The following CAPN15 variants were observed in gnomAD, a reference collection of about 807,000 sequenced individuals.
CAPN15 encodes the protein calpain-15.
CAPN15 carries 53 observed loss-of-function variants against 97.9 expected under a neutral mutation model. The observed-to-expected ratio is 0.54, with a 90% CI of 0.43 to 0.68. CAPN15 has a LOEUF of 0.68. Ranked by LOEUF, CAPN15 falls within the 30% of genes least tolerant of loss-of-function variation. The probability of loss-of-function intolerance (pLI) is 0.00; values close to 1 mark genes in which losing one functional copy is unlikely to be tolerated. For synonymous variants in CAPN15, 922 were observed against 722.5 expected, an observed-to-expected ratio of 1.28 and a Z score of -4.43; for missense variants, 1,592 against 1,589.8, an observed-to-expected ratio of 1.00 and a Z score of -0.02.
At position 548,174 on chromosome 16, in the gene CAPN15, C is replaced by T. The variant is rs547515287; in HGVS notation, c.1336C>T (p.Arg446Trp). Reference protein sequence around the residue: ...HTPQLLVAQRRGAAPLRRRES... With the variant: ...HTPQLLVAQRWGAAPLRRRES... ...GCCTCAGCTCCTGGTGGCCCAGCGG[C>T]GGGGGGCCGCGCCCCTGAGGCGCAG... The change falls in exon 4 of 14, where the codon CGG (arginine) becomes TGG (tryptophan). Residue 446 changes from arginine to tryptophan, a missense_variant. Physicochemically the swap from Arg to Trp is moderately radical, Grantham distance 101 (BLOSUM62 -3). Coordinates refer to ENST00000219611, the MANE Select transcript of CAPN15 (RefSeq NM_005632.3). 95 of 1,529,102 alleles carry T rather than the reference C, an allele frequency of 6.2e-5. No homozygotes were observed. The African/African-American group carries it at 6.5e-4, about 10-fold the overall frequency. The allele number at this position is 1,529,102 out of a possible 1,614,324, so 94.7% of individuals were successfully genotyped here.
chr16:542,695 C>T (rs1366252561), intron 3 of CAPN15, among the ~76,000 whole-genome samples: 1 of 152,142 alleles, frequency 6.6e-6, no homozygotes, highest in East Asian at 1.9e-4. Context: ...TCAAGAGAAC[C>T]TCCCATCTCA....
At chr16:531,306 T>G (rs2033233971) in intron 1 of CAPN15, among the ~76,000 whole-genome samples, 1 of 152,210 alleles carries the variant, frequency 6.6e-6, no homozygotes, top group African/African-American at 2.4e-5. Context: ...TCAAGTGATC[T>G]TCCTGCCTCA....
chr16:528,051 C>A, intron 1 of CAPN15, 22 bp downstream of exon 1: 1 of 143,928 alleles, frequency 6.9e-6, no homozygotes, highest in South Asian at 2.1e-4. Flanking sequence ...CGGCCGGGCC[C>A]GGCCGGGCGC....
In CAPN15 at chr16:551,682, C is replaced by T. The variant is rs201797885; in HGVS notation, c.2345+18C>T. The T allele has an allele frequency of 9.4e-4, 1,480 of 1,582,202 alleles. No individual in the cohort carries two copies. Among genetic ancestry groups the T allele is most frequent in the African/African-American group, 1.8e-3 (133 of 74,666 alleles). On this transcript the variant is annotated intron_variant, in intron 9 of 13. Transcript: ENST00000219611. ...TTTGTCAGGTATCGGCACCGTGGGG[C>T]GGTGTGCACGCCGCCCCCGCCCTCC...
chr16:549,231 C>CGGGGGG, intron 5 of CAPN15, 30 bp downstream of exon 5: 13 of 62,828 alleles, frequency 2.1e-4, no homozygotes, highest in Admixed American at 5.3e-4. Context: ...CGGGGTGGGG[C>CGGGGGG]GGGTGGGCGG....
Position 551,538 on chromosome 16 carries a change from G to A in CAPN15, c.2219G>A (p.Gly740Asp). The A allele has an allele frequency of 6.2e-7, 1 of 1,611,208 alleles. No homozygotes were observed. Residue 740 changes from glycine to aspartate, a missense_variant, in exon 9 of 14, where the codon GGC becomes GAC. Physicochemically the swap from Gly to Asp is moderately conservative, Grantham distance 94. This residue lies in a region of CAPN15 where 644 missense variants were observed against 699.6 expected (regional missense o/e 0.92). Coordinates refer to ENST00000219611, the MANE Select transcript of CAPN15 (RefSeq NM_005632.3). ...CTTCTGCGGCTCCGAAACCCGTGGG[G>A]CCGTTTCTCCTGGAACGGCAGCTGG... ...TRLLRLRNPW[G>D]RFSWNGSWSD... is the part of the protein sequence containing the mutation.
intron 4 of CAPN15, 125 bp from the exon 5 acceptor site, chr16:548,845 GGCGCCAGGTCTGTGGCTGTCCAC>G: frequency 1.3e-6 from 1 of 744,070 alleles, no homozygotes; most frequent in Non-Finnish European, 2.3e-6. Context: ...ACACAGGGCC[GGCGCCAGGTCTGTGGCTGTCCAC>G]GCTCCACCCG....
rs565223049 is a variant in CAPN15, at chr16:554,019, G to T, written c.*503G>T. The stretch of plus-strand genomic sequence containing the variant: ...GGTCCCTGGAGCCCTGGTGTGGAGC[G>T]GCGAGTCCCGGGGCGGTGCCTGTCT... On this transcript the variant is annotated 3_prime_UTR_variant, in exon 14 of 14. Coordinates refer to ENST00000219611, the MANE Select transcript of CAPN15 (RefSeq NM_005632.3). 2 of 175,424 alleles carry T rather than the reference G, an allele frequency of 1.1e-5. No individual in the cohort carries two copies. Among genetic ancestry groups the T allele is most frequent in the African/African-American group, 2.4e-5 (1 of 41,942 alleles). 10.9% of individuals were successfully genotyped at this position (175,424 alleles called of 1,614,324 possible). A position where few individuals can be genotyped will look rare whatever the true frequency, so the allele number is the denominator to read the frequency against.
At chr16:551,109 CGG>C (rs2035027495) in intron 7 of CAPN15, among the ~76,000 whole-genome samples, 191 bp from the exon 8 acceptor site, 8 of 127,382 alleles carry the variant, frequency 6.3e-5, no homozygotes, top group African/African-American at 1.7e-4. Flanking sequence ...TGAGGGTCCC[CGG>C]TCGGTGAGGG....
rs761307877 is a variant in CAPN15 at position 552,235 on chromosome 16, G to A, written c.2507+23G>A. ...CAGGTGGGTGCTGCGGGGCCCCATC[G>A]GGCTGGGCTGGGCTAGGCTGGCGGC... On this transcript the variant is annotated intron_variant, in intron 10 of 13. Transcript: ENST00000219611. This position sits in a 1 kb window ranked among gnomAD's most constrained non-coding sequence, Gnocchi z 6.4. 3.2e-5 allele frequency: 49 copies of A among 1,531,302 alleles called. 1 individual carries two copies. The highest frequency in any genetic ancestry group is 1.8e-4 in the Admixed American group (9 of 50,492). The allele number at this position is 1,531,302 out of a possible 1,614,324, so 94.9% of individuals were successfully genotyped here.
At chr16:546,695 C>G in intron 3 of CAPN15, 122 bp from the exon 4 acceptor site, 1 of 1,322,226 alleles carries the variant, frequency 7.6e-7, no homozygotes, top group Non-Finnish European at 1.0e-6. Flanking sequence ...ATGCTCAGCC[C>G]TAGGCCCTCG....
At position 553,336 on chromosome 16, in the gene CAPN15, C is replaced by T; in HGVS notation, c.3084-3C>T. Reference sequence around the variant, plus strand: ...ACAGGTCCTCACCGGTCCCCTCCCCCAGGCAGGTCCTGGTGATCTTGTCCC... The same window carrying T: ...ACAGGTCCTCACCGGTCCCCTCCCCTAGGCAGGTCCTGGTGATCTTGTCCC... On this transcript the variant is annotated splice_region_variant and splice_polypyrimidine_tract_variant and intron_variant, in intron 13 of 13. Coordinates refer to ENST00000219611, the MANE Select transcript of CAPN15 (RefSeq NM_005632.3). 1.9e-6 allele frequency: 3 copies of T among 1,600,262 alleles called. No homozygotes were observed. The highest frequency in any genetic ancestry group is 2.6e-6 in the Non-Finnish European group (3 of 1,172,244).
At chr16:541,892 G>A (rs2034145695) in intron 3 of CAPN15, among the ~76,000 whole-genome samples, 1 of 127,548 alleles carries the variant, frequency 7.8e-6, no homozygotes, top group African/African-American at 3.0e-5. Flanking sequence ...GAAGGTGCGT[G>A]GATGTGGGGC....
intron 3 of CAPN15, among the ~76,000 whole-genome samples, chr16:546,492 G>A (rs190694975): frequency 1.3e-5 from 2 of 152,308 alleles, no homozygotes; most frequent in Admixed American, 1.3e-4. Flanking sequence ...GGGACCCCCT[G>A]CTATCTGCCG....
intron 5 of CAPN15, 30 bp downstream of exon 5, chr16:549,231 C>CGGGGG: frequency 8.0e-5 from 5 of 62,830 alleles, no homozygotes; most frequent in South Asian, 1.9e-4. Context: ...CGGGGTGGGG[C>CGGGGG]GGGTGGGCGG....
chr16:532,208 C>G (rs2033313141), intron 1 of CAPN15, among the ~76,000 whole-genome samples: 1 of 148,706 alleles, frequency 6.7e-6, no homozygotes, highest in Non-Finnish European at 1.5e-5. Context: ...CCACTGCACT[C>G]CAGCCTAGGC....
In CAPN15 at chr16:552,326, C is replaced by G. The variant is rs1259368726; in HGVS notation, c.2533C>G (p.Leu845Val). The change falls in exon 11 of 14, where the codon CTG (leucine) becomes GTG (valine). Residue 845 changes from leucine (L) to valine (V), a missense_variant. Coordinates refer to ENST00000219611, the MANE Select transcript of CAPN15 (RefSeq NM_005632.3). The surrounding 1 kb of genome is among the most constrained non-coding windows in gnomAD (Gnocchi z 6.4). ...GCGCTCGGACGCCGTGGACAGCCAC[C>G]TGCTGGACCTGTGCATCCTGGTGTT... ...SRRSDAVDSH[L>V]LDLCILVFRA... 6.3e-7 allele frequency: 1 copy of G among 1,579,678 alleles called. No homozygotes were observed. Among genetic ancestry groups the G allele is most frequent in the Non-Finnish European group, 8.6e-7 (1 of 1,168,358 alleles).
At position 551,309 on chromosome 16, in the gene CAPN15, A is replaced by G; in HGVS notation, c.2074A>G (p.Met692Val). Residue 692 changes from methionine (M) to valine (V), a missense_variant, in exon 8 of 14, where the codon ATG becomes GTG. This residue lies in a region of CAPN15 where 644 missense variants were observed against 699.6 expected (regional missense o/e 0.92). Coordinates refer to ENST00000219611, the MANE Select transcript of CAPN15 (RefSeq NM_005632.3). The part of the protein sequence containing the change: ...MLSSKEAGFL[M>V]GASCGGGNMK... The stretch of plus-strand genomic sequence containing the variant: ...GGCCGCTCTGCCACACAGGTTCCTC[A>G]TGGGTGCCTCCTGTGGCGGGGGCAA... 1 of 1,602,470 alleles carries G rather than the reference A, an allele frequency of 6.2e-7. No individual in the cohort carries two copies. The highest frequency in any genetic ancestry group is 2.2e-5 in the East Asian group (1 of 44,658).
At position 552,959 on chromosome 16, in the gene CAPN15, C is replaced by T; in HGVS notation, c.3001C>T (p.Gln1001Ter). 1 of 1,611,898 alleles carries T rather than the reference C, an allele frequency of 6.2e-7. No individual in the cohort carries two copies. Among genetic ancestry groups the T allele is most frequent in the Non-Finnish European group, 8.5e-7 (1 of 1,179,446 alleles). Reference protein sequence around the residue: ...NRHPKAYLHVQCDCTDSFNVV... With the variant: ...NRHPKAYLHV ...ACACCCCAAGGCCTACCTGCACGTG[C>T]AGTGTGACTGCACCGACAGCTTCAA... is the stretch of plus-strand genomic sequence containing the variant. Residue 1001 changes from glutamine to a stop codon, truncating the protein, a stop_gained, in exon 13 of 14, where the codon CAG becomes TAG. Coordinates refer to ENST00000219611, the MANE Select transcript of CAPN15 (RefSeq NM_005632.3). LOFTEE classifies it high-confidence loss of function. This position sits in a 1 kb window ranked among gnomAD's most constrained non-coding sequence, Gnocchi z 6.4.
Sources: gnomAD v4.1 joint callset for allele counts (sites outside exome capture counted in the v4.1 genomes callset) on GRCh38, gnomAD v4.1.1 for gene constraint, gnomAD v4.1.1 regional missense constraint, Gnocchi (gnomAD v3.1) non-coding constraint, MANE v1.5 for transcripts, NCBI Gene and HGNC (gene_info 2026-07-23, HGNC 2026-07-21) for gene names.